SLX4IP: variants seen among roughly 807,000 people sequenced by gnomAD.
SLX4IP encodes SLX4 interacting protein, also known as protein SLX4IP.
In SLX4IP, 34 loss-of-function variants were observed where a neutral mutation model predicts 32.9. The observed-to-expected ratio is 1.03, with a 90% CI of 0.79 to 1.38. The LOEUF is 1.38. Ranked by LOEUF, SLX4IP falls within the 40% of genes most tolerant of loss-of-function variation. The pLI, the probability that SLX4IP is intolerant of heterozygous loss-of-function variation, is 0.00. For missense variants in SLX4IP, 444 were observed against 479.0 expected (o/e 0.93, Z 0.68); for synonymous variants, 172 against 171.7 (o/e 1.00, Z -0.01).
chr20:10,517,901 T>C (rs2065863260), intron 2 of SLX4IP, among the ~76,000 whole-genome samples: 2 of 152,156 alleles, frequency 1.3e-5, no homozygotes, highest in Admixed American at 1.3e-4. Flanking sequence ...AGAAGGAAAA[T>C]TTTATGTTTT....
intron 4 of SLX4IP, among the ~76,000 whole-genome samples, chr20:10,579,858 A>G (rs891471673): frequency 1.3e-5 from 2 of 152,160 alleles, no homozygotes; most frequent in Non-Finnish European, 2.9e-5. Context: ...CAGCAGGGTC[A>G]AAGCTGGCAT....
chr20:10,623,732 T>C lies in SLX4IP; in HGVS notation c.*353T>C. The C allele has an allele frequency of 4.0e-6, 1 of 247,698 alleles. No individual in the cohort carries two copies. The highest frequency in any genetic ancestry group is 7.8e-6 in the Non-Finnish European group (1 of 127,690). The allele number at this position is 247,698 out of a possible 1,614,324, so 15.3% of individuals were successfully genotyped here. ...GCACATCACTGTGCAGACCACACAA[T>C]GGACCGTGCAAAGACAGTGCTGCCG... On this transcript the variant is annotated 3_prime_UTR_variant, in exon 8 of 8. Coordinates refer to ENST00000334534, the MANE Select transcript of SLX4IP (RefSeq NM_001009608.3).
At chr20:10,605,491 T>G (rs78861655) in intron 6 of SLX4IP, among the ~76,000 whole-genome samples, 3,664 of 152,322 alleles carry the variant, frequency 0.024, 100 homozygotes, top group Admixed American at 0.088. Flanking sequence ...CCTGTATCTT[T>G]AAGGGTTCCA....
chr20:10,584,673 G>A (rs2066624852), intron 4 of SLX4IP, among the ~76,000 whole-genome samples: 1 of 152,202 alleles, frequency 6.6e-6, no homozygotes, highest in South Asian at 2.1e-4. Context: ...CAGCCTTGGA[G>A]ATTCAAATTT....
chr20:10,605,867 T>C (rs528529709), intron 6 of SLX4IP, among the ~76,000 whole-genome samples: 4 of 152,296 alleles, frequency 2.6e-5, no homozygotes, highest in East Asian at 3.9e-4. Context: ...CACTACTGTT[T>C]AGTGGTAAAG....
chr20:10,448,890 G>C (rs1654416683), intron 1 of SLX4IP, among the ~76,000 whole-genome samples: 1 of 152,052 alleles, frequency 6.6e-6, no homozygotes. Context: ...AAAATAAAAA[G>C]GTTATATGCA....
intron 2 of SLX4IP, among the ~76,000 whole-genome samples, chr20:10,488,276 A>G (rs994193632): frequency 6.6e-6 from 1 of 152,216 alleles, no homozygotes; most frequent in Non-Finnish European, 1.5e-5. Flanking sequence ...GAAAGGGGAC[A>G]TTTGGACACA....
chr20:10,593,975 G>C (rs759460579), intron 4 of SLX4IP, among the ~76,000 whole-genome samples: 1 of 152,142 alleles, frequency 6.6e-6, no homozygotes, highest in Non-Finnish European at 1.5e-5. Context: ...TTATTTGATC[G>C]GTAATGTCAT....
Position 10,518,653 on chromosome 20 carries a change from G to A in SLX4IP, c.28-37578G>A, listed in dbSNP as rs190637379. Among the ~76,000 whole-genome samples the A allele has an allele frequency of 3.4e-3, 521 of 151,288 alleles. 3 individuals are homozygous for A. The highest frequency in any genetic ancestry group is 6.8e-3 in the Middle Eastern group (2 of 292). On this transcript the variant is annotated intron_variant, in intron 2 of 7. Transcript: ENST00000334534. ...CAGCGCTGCGATCTCAGCTCACTGC[G>A]ACCTCCAGGGCTCAAGTGATCCTGC...
chr20:10,620,875 G>T (rs1410833978), intron 6 of SLX4IP, among the ~76,000 whole-genome samples: 1 of 152,200 alleles, frequency 6.6e-6, no homozygotes, highest in Non-Finnish European at 1.5e-5. Context: ...CTTTGTTTTT[G>T]CAGATAGAGA....
intron 2 of SLX4IP, among the ~76,000 whole-genome samples, chr20:10,473,564 G>A (rs2065445020): frequency 6.6e-6 from 1 of 151,392 alleles, no homozygotes; most frequent in Non-Finnish European, 1.5e-5. Context: ...TCTTGAAGCA[G>A]CTTATTCTGC....
intron 4 of SLX4IP, among the ~76,000 whole-genome samples, chr20:10,591,100 C>T (rs948856959): frequency 6.6e-6 from 1 of 152,296 alleles, no homozygotes; most frequent in South Asian, 2.1e-4. Context: ...GCCCTGAGCT[C>T]TCTCCAGTTT....
intron 5 of SLX4IP, among the ~76,000 whole-genome samples, chr20:10,599,161 C>G (rs1176807913): frequency 6.6e-6 from 1 of 152,176 alleles, no homozygotes; most frequent in African/African-American, 2.4e-5. Flanking sequence ...TCCCCCATCA[C>G]TTCCCCAAGT....
chr20:10,614,174 C>T (rs1432779678), intron 6 of SLX4IP: 1 of 824,362 alleles, frequency 1.2e-6, no homozygotes, highest in South Asian at 1.5e-5. Context: ...CCCAGTAAAG[C>T]CAGCCATTAA....
chr20:10,586,759 A>G (rs1254741801), intron 4 of SLX4IP, among the ~76,000 whole-genome samples: 1 of 152,220 alleles, frequency 6.6e-6, no homozygotes, highest in Non-Finnish European at 1.5e-5. Context: ...AATTAAAATA[A>G]AAGACTATTA....
chr20:10,502,985 T>C (rs1258989046), intron 2 of SLX4IP, among the ~76,000 whole-genome samples: 1 of 152,222 alleles, frequency 6.6e-6, no homozygotes. Flanking sequence ...GCTCATGTTA[T>C]CTTTCTTGCT....
chr20:10,614,123 T>G, intron 6 of SLX4IP: 2 of 1,466,274 alleles, frequency 1.4e-6, no homozygotes, highest in South Asian at 2.4e-5. Flanking sequence ...GGTAGCCTCG[T>G]CGGACCTCGC....
At chr20:10,518,555 C>CTTCTTTCTTTCTT (rs1202610169) in intron 2 of SLX4IP, among the ~76,000 whole-genome samples, 22 of 109,784 alleles carry the variant, frequency 2.0e-4, no homozygotes, top group African/African-American at 6.8e-4. Context: ...CCTTCCTTTC[C>CTTCTTTCTTTCTT]TTCTTTCTTT....
intron 2 of SLX4IP, among the ~76,000 whole-genome samples, chr20:10,476,186 C>T (rs1490687045): frequency 6.6e-6 from 1 of 151,802 alleles, no homozygotes; most frequent in African/African-American, 2.4e-5. Flanking sequence ...ATAATTAAAC[C>T]AAATATTGTA....
Sources: gnomAD v4.1 joint callset for allele counts (sites outside exome capture counted in the v4.1 genomes callset) on GRCh38, gnomAD v4.1.1 for gene constraint, MANE v1.5 for transcripts, NCBI Gene and HGNC (gene_info 2026-07-23, HGNC 2026-07-21) for gene names.